ZBTB16: variants seen among roughly 807,000 people sequenced by gnomAD.
ZBTB16 encodes zinc finger and BTB domain containing 16.
ZBTB16 carries 8 observed loss-of-function variants against 56.8 expected under a neutral mutation model. The ratio of observed to expected loss-of-function variants is 0.14; its 90% CI spans 0.08 to 0.25. The LOEUF is 0.25. Ranked by LOEUF, ZBTB16 falls within the 10% of genes least tolerant of loss-of-function variation. The pLI, the probability that ZBTB16 is intolerant of heterozygous loss-of-function variation, is 1.00. For synonymous variants in ZBTB16, 363 were observed against 368.5 expected, an observed-to-expected ratio of 0.98 and a Z score of 0.17; for missense variants, 625 against 903.0, an observed-to-expected ratio of 0.69 and a Z score of 3.95.
chr11:114,180,547 C>A, intron 3 of ZBTB16, among the ~76,000 whole-genome samples: 1 of 152,202 alleles, frequency 6.6e-6, no homozygotes, highest in East Asian at 1.9e-4. Flanking sequence ...CCTAACCTTT[C>A]CTCCCTTTTC....
intron 2 of ZBTB16, among the ~76,000 whole-genome samples, chr11:114,118,763 T>C (rs567565586): frequency 6.6e-6 from 1 of 152,142 alleles, no homozygotes; most frequent in East Asian, 1.9e-4. Context: ...ATAATTTGTG[T>C]TGAGTGAGGG....
chr11:114,105,532 G>A lies in ZBTB16; in HGVS notation c.1268+40964G>A, dbSNP rs143693005. On this transcript the variant is annotated intron_variant, in intron 2 of 6. Coordinates refer to ENST00000335953, the MANE Select transcript of ZBTB16 (RefSeq NM_006006.6). ...TGGGACTGCAGGAATGAGCCACCGC[G>A]CCCGACCCAATTCTCTTGAGTGACA... is the stretch of plus-strand genomic sequence containing the variant. Among the ~76,000 whole-genome samples the A allele has an allele frequency of 2.3e-3, 346 of 152,270 alleles. 7 individuals carry two copies. In the East Asian group the frequency reaches 0.052, roughly 23 times the overall value.
chr11:114,187,209 G>A, intron 4 of ZBTB16, 171 bp downstream of exon 4: 1 of 719,978 alleles, frequency 1.4e-6, no homozygotes, highest in Non-Finnish European at 2.5e-6. Flanking sequence ...TGTCTGTGTG[G>A]CTGGCCCAGC....
rs1187982913 is a variant in ZBTB16, at chr11:114,255,565, C to T, written c.*5010C>T. On this transcript the variant is annotated 3_prime_UTR_variant, in exon 7 of 7. Coordinates refer to ENST00000335953, the MANE Select transcript of ZBTB16 (RefSeq NM_006006.6). ...CTCCTGCTGCCCCCTCCCCAGCCCA[C>T]TTCCCCGAGTTGTGCTTGCCGCTCC... 6.6e-6 allele frequency among the ~76,000 whole-genome samples: 1 copy of T among 151,874 alleles called. No individual in the cohort carries two copies. Among genetic ancestry groups the T allele is most frequent in the East Asian group, 1.9e-4 (1 of 5,176 alleles).
chr11:114,063,985 C>T lies in ZBTB16; in HGVS notation c.685C>T (p.Leu229=), dbSNP rs751396403. Residue 229 remains leucine, a synonymous_variant, in exon 2 of 7, where the codon CTG becomes TTG. Transcript: ENST00000335953. This position sits in a 1 kb window ranked among gnomAD's most constrained non-coding sequence, Gnocchi z 6.5. ...ACCTGCAGGGCCCGAGGAGCCAACTCTGGCTGGGGGTGGGCGGCACCCTGG... is the reference window on the plus strand; with the variant it reads ...ACCTGCAGGGCCCGAGGAGCCAACTTTGGCTGGGGGTGGGCGGCACCCTGG... The part of the protein sequence containing the change: ...QPPAGPEEPT[L]AGGGRHPGVA... 2.5e-6 allele frequency: 4 copies of T among 1,613,536 alleles called. No individual in the cohort carries two copies. Among genetic ancestry groups the T allele is most frequent in the Non-Finnish European group, 3.4e-6 (4 of 1,179,888 alleles).
Position 114,116,327 on chromosome 11 carries a change from C to T in ZBTB16, c.1269-40010C>T, listed in dbSNP as rs139038583. ...GCACAACTGACTTTATTACTGGACC[C>T]CAGGTGTGTGTGTCTGAAATGAGTG... On this transcript the variant is annotated intron_variant, in intron 2 of 6. Transcript: ENST00000335953. 1.3e-4 allele frequency among the ~76,000 whole-genome samples: 20 copies of T among 152,210 alleles called. No homozygotes were observed. The Middle Eastern group carries it at 0.017, about 129-fold the overall frequency.
Position 114,247,270 on chromosome 11 carries a change from G to T in ZBTB16, c.1697G>T (p.Arg566Leu). The change falls in exon 6 of 7, where the codon CGC (arginine) becomes CTC (leucine). Residue 566 changes from arginine to leucine, a missense_variant. Arg to Leu is a moderately radical substitution (Grantham distance 102, BLOSUM62 -2). Transcript: ENST00000335953. ...RDESTLKSHKRIHTGEKPYEC... is the reference protein window; with the variant it reads ...RDESTLKSHKLIHTGEKPYEC... ...GAGAGCACACTCAAGAGCCACAAAC[G>T]CATCCACACGGGTGAGAAACCCTAC... 4 of 1,614,242 alleles carry T rather than the reference G, an allele frequency of 2.5e-6. No individual in the cohort carries two copies. Among genetic ancestry groups the T allele is most frequent in the African/African-American group, 1.3e-5 (1 of 75,064 alleles).
chr11:114,079,319 G>A (rs921292602), intron 2 of ZBTB16, among the ~76,000 whole-genome samples: 2 of 152,146 alleles, frequency 1.3e-5, no homozygotes, highest in East Asian at 1.9e-4. Flanking sequence ...GTATGATTGC[G>A]CTGTAGCCCT....
chr11:114,065,946 G>A (rs1430127729), intron 2 of ZBTB16, among the ~76,000 whole-genome samples: 1 of 152,094 alleles, frequency 6.6e-6, no homozygotes, highest in Non-Finnish European at 1.5e-5. Context: ...GATAAGTAGC[G>A]AGTTTGTTTT....
chr11:114,160,452 A>G (rs527627213), intron 3 of ZBTB16, among the ~76,000 whole-genome samples: 131 of 152,132 alleles, frequency 8.6e-4, no homozygotes, highest in African/African-American at 3.2e-3. Flanking sequence ...TCATTTCCCT[A>G]TCACGCGAAA....
intron 4 of ZBTB16, among the ~76,000 whole-genome samples, chr11:114,219,857 T>C (rs776015982): frequency 3.3e-5 from 5 of 152,104 alleles, no homozygotes; most frequent in Non-Finnish European, 5.9e-5. Context: ...TCTGGAAGCC[T>C]TGGAAAGCCT....
intron 4 of ZBTB16, among the ~76,000 whole-genome samples, chr11:114,220,428 G>T (rs766079231): frequency 4.6e-5 from 7 of 152,182 alleles, no homozygotes; most frequent in Non-Finnish European, 7.3e-5. Flanking sequence ...TCTAGCCTCC[G>T]ATGCTTACAG....
intron 2 of ZBTB16, among the ~76,000 whole-genome samples, chr11:114,091,019 G>A (rs979202006): frequency 5.3e-5 from 8 of 152,238 alleles, no homozygotes; most frequent in Middle Eastern, 3.4e-3. Flanking sequence ...TTAAAGAGCC[G>A]TACATCCTCA....
chr11:114,174,900 A>G (rs1011212564), intron 3 of ZBTB16, among the ~76,000 whole-genome samples: 2 of 152,212 alleles, frequency 1.3e-5, no homozygotes, highest in African/African-American at 4.8e-5. Context: ...TTCAGTAGGC[A>G]TAGAAGGCTG....
intron 2 of ZBTB16, among the ~76,000 whole-genome samples, chr11:114,122,476 AG>A (rs1941373329): frequency 6.6e-6 from 1 of 152,200 alleles, no homozygotes; most frequent in Admixed American, 6.5e-5. Flanking sequence ...TTTGGTGGAA[AG>A]TAAAATAACC....
intron 3 of ZBTB16, among the ~76,000 whole-genome samples, chr11:114,160,981 C>T (rs1237711705): frequency 1.3e-5 from 2 of 152,098 alleles, no homozygotes; most frequent in African/African-American, 4.8e-5. Flanking sequence ...CTTCCTGTGT[C>T]CCAGGAAGAC....
At chr11:114,106,306 G>A (rs536551058) in intron 2 of ZBTB16, among the ~76,000 whole-genome samples, 1 of 152,112 alleles carries the variant, frequency 6.6e-6, no homozygotes, top group Non-Finnish European at 1.5e-5. Context: ...TCTTTTGGGG[G>A]TCACTGTGGC....
chr11:114,197,627 T>G (rs1943639302), intron 4 of ZBTB16, among the ~76,000 whole-genome samples: 3 of 143,028 alleles, frequency 2.1e-5, no homozygotes, highest in Admixed American at 7.1e-5. Context: ...GAGTAGAAAA[T>G]GAAGTCCTTG....
intron 4 of ZBTB16, among the ~76,000 whole-genome samples, chr11:114,214,237 A>G (rs1468643766): frequency 6.6e-6 from 1 of 152,210 alleles, no homozygotes; most frequent in Non-Finnish European, 1.5e-5. Flanking sequence ...CCTGGTACAC[A>G]TTATATGTTC....
Sources: gnomAD v4.1 joint callset for allele counts (sites outside exome capture counted in the v4.1 genomes callset) on GRCh38, gnomAD v4.1.1 for gene constraint, Gnocchi (gnomAD v3.1) non-coding constraint, MANE v1.5 for transcripts, NCBI Gene and HGNC (gene_info 2026-07-23, HGNC 2026-07-21) for gene names.